The following LRRC4C variants were observed in gnomAD, a reference collection of about 807,000 sequenced individuals.
LRRC4C encodes the protein leucine rich repeat containing 4C.
LRRC4C carries 5 observed loss-of-function variants against 33.6 expected under a neutral mutation model. The observed-to-expected ratio is 0.15, with a 90% CI of 0.08 to 0.31. The LOEUF (loss-of-function observed/expected upper bound fraction) is 0.31. LRRC4C is among the 10% of genes least tolerant of loss of function. The probability of loss-of-function intolerance (pLI) is 1.00; values close to 1 mark genes in which losing one functional copy is unlikely to be tolerated. For missense variants in LRRC4C, 560 were observed against 796.7 expected (o/e 0.70, Z 3.58); for synonymous variants, 329 against 302.0 (o/e 1.09, Z -0.93).
intron 3 of LRRC4C, among the ~76,000 whole-genome samples, chr11:40,613,985 T>C (rs1408892809): frequency 6.6e-6 from 1 of 151,908 alleles, no homozygotes; most frequent in East Asian, 1.9e-4. Flanking sequence ...TTGTCTCATG[T>C]GTAGATCACA....
chr11:40,808,963 C>T (rs1471948634), intron 2 of LRRC4C, among the ~76,000 whole-genome samples: 1 of 152,094 alleles, frequency 6.6e-6, no homozygotes, highest in Admixed American at 6.6e-5. Flanking sequence ...CACTACCCAA[C>T]CTCTCTCCCC....
At chr11:41,288,153 G>A (rs1401509911) in intron 1 of LRRC4C, among the ~76,000 whole-genome samples, 1 of 152,184 alleles carries the variant, frequency 6.6e-6, no homozygotes, top group African/African-American at 2.4e-5. Context: ...GGTGAAACAA[G>A]TAGGCAAATA....
chr11:40,904,593 GC>G (rs745448236), intron 2 of LRRC4C, among the ~76,000 whole-genome samples: 1 of 152,062 alleles, frequency 6.6e-6, no homozygotes, highest in Non-Finnish European at 1.5e-5. Context: ...TGGGGGAGTG[GC>G]AAGTTGGTGA....
At chr11:41,067,797 G>A (rs1317955210) in intron 1 of LRRC4C, among the ~76,000 whole-genome samples, 2 of 152,188 alleles carry the variant, frequency 1.3e-5, no homozygotes, top group Non-Finnish European at 2.9e-5. Flanking sequence ...ACTTGCTCCT[G>A]AATGACTTGG....
chr11:40,464,449 C>T (rs1952558294), intron 3 of LRRC4C, among the ~76,000 whole-genome samples: 1 of 151,854 alleles, frequency 6.6e-6, no homozygotes, highest in Non-Finnish European at 1.5e-5. Context: ...CACTCCTATT[C>T]AACATAATAC....
chr11:40,900,758 T>C (rs1277267871), intron 2 of LRRC4C, among the ~76,000 whole-genome samples: 1 of 152,036 alleles, frequency 6.6e-6, no homozygotes, highest in Non-Finnish European at 1.5e-5. Context: ...GTTTAAAATT[T>C]ACTTAGATTA....
At chr11:40,602,905 A>C (rs2135820018) in intron 3 of LRRC4C, among the ~76,000 whole-genome samples, 1 of 152,252 alleles carries the variant, frequency 6.6e-6, no homozygotes. Flanking sequence ...GAAATTCCTG[A>C]ATCTGCCTTT....
intron 1 of LRRC4C, among the ~76,000 whole-genome samples, chr11:41,211,900 C>T (rs1030002028): frequency 3.9e-5 from 6 of 152,140 alleles, no homozygotes; most frequent in Non-Finnish European, 7.4e-5. Flanking sequence ...CCTGAGGAAC[C>T]GCCACACTAT....
intron 1 of LRRC4C, among the ~76,000 whole-genome samples, chr11:41,252,809 G>A (rs1948684081): frequency 6.6e-6 from 1 of 152,088 alleles, no homozygotes. Flanking sequence ...TTACATGGCA[G>A]CAGGCAAGAG....
chr11:41,320,317 T>C (rs34132389), intron 1 of LRRC4C, among the ~76,000 whole-genome samples: 60 of 152,182 alleles, frequency 3.9e-4, no homozygotes, highest in South Asian at 2.5e-3. Flanking sequence ...TTGAAAGACA[T>C]AGAAGAAAGA....
At chr11:40,287,252 CTGTATG>C (rs1943904617) in intron 4 of LRRC4C, among the ~76,000 whole-genome samples, 2 of 103,532 alleles carry the variant, frequency 1.9e-5, no homozygotes, top group Admixed American at 2.4e-4. Context: ...CTTAATGTCA[CTGTATG>C]TGTGTGTGTG....
intron 2 of LRRC4C, among the ~76,000 whole-genome samples, chr11:40,747,858 C>T (rs1948500409): frequency 6.6e-6 from 1 of 152,010 alleles, no homozygotes; most frequent in Non-Finnish European, 1.5e-5. Context: ...AAATAACTCA[C>T]TTGGACAAAA....
chr11:40,802,257 T>A (rs754424691), intron 2 of LRRC4C, among the ~76,000 whole-genome samples: 25 of 152,184 alleles, frequency 1.6e-4, no homozygotes, highest in Non-Finnish European at 2.8e-4. Context: ...CTTATGGGGT[T>A]GTTTTGACTA....
intron 1 of LRRC4C, among the ~76,000 whole-genome samples, chr11:41,322,622 A>T (rs1428282773): frequency 6.6e-6 from 1 of 152,186 alleles, no homozygotes; most frequent in African/African-American, 2.4e-5. Flanking sequence ...TTAAAGATTT[A>T]AAAAAACATA....
intron 1 of LRRC4C, among the ~76,000 whole-genome samples, chr11:41,187,532 T>A (rs1034801051): frequency 6.6e-6 from 1 of 152,092 alleles, no homozygotes; most frequent in Non-Finnish European, 1.5e-5. Context: ...GGCCTCCCCA[T>A]CCTCCTTGCT....
chr11:41,401,701 C>T (rs1054057633), intron 1 of LRRC4C, among the ~76,000 whole-genome samples: 10 of 151,878 alleles, frequency 6.6e-5, no homozygotes, highest in African/African-American at 2.4e-4. Flanking sequence ...ACAGCTTTTT[C>T]TGGACCATAG....
At chr11:40,990,720 A>G (rs549368739) in intron 1 of LRRC4C, among the ~76,000 whole-genome samples, 79 of 152,330 alleles carry the variant, frequency 5.2e-4, no homozygotes, top group African/African-American at 1.8e-3. Context: ...AGAAGAACAC[A>G]AACTAAATTA....
At chr11:40,746,872 A>C (rs1948453828) in intron 2 of LRRC4C, among the ~76,000 whole-genome samples, 1 of 152,112 alleles carries the variant, frequency 6.6e-6, no homozygotes, top group Non-Finnish European at 1.5e-5. Context: ...AATTCACCAC[A>C]GTTACGACCA....
chr11:40,795,391 G>A (rs961331594), intron 2 of LRRC4C, among the ~76,000 whole-genome samples: 7 of 152,018 alleles, frequency 4.6e-5, no homozygotes, highest in African/African-American at 1.7e-4. Context: ...TTAGCCAGGC[G>A]TGGTGGCGGG....
Sources: allele counts gnomAD v4.1 joint callset (sites outside exome capture counted in the v4.1 genomes callset), GRCh38; gene constraint gnomAD v4.1.1; transcripts MANE v1.5; gene names NCBI Gene and HGNC (gene_info 2026-07-23, HGNC 2026-07-21).